Variants in VEPH1 observed in about 807,000 individuals in gnomAD.
VEPH1 encodes ventricular zone-expressed PH domain-containing protein homolog 1.
VEPH1 carries 80 observed loss-of-function variants against 85.2 expected under a neutral mutation model. That is an observed-to-expected ratio of 0.94 (90% CI 0.78 to 1.13). The LOEUF (loss-of-function observed/expected upper bound fraction) is 1.13. Ranked by LOEUF, VEPH1 falls within the 50% of genes most tolerant of loss-of-function variation. VEPH1 has a pLI of 0.00. For missense variants in VEPH1, 955 were observed against 980.5 expected, an observed-to-expected ratio of 0.97 and a Z score of 0.35; for synonymous variants, 297 against 348.0, an observed-to-expected ratio of 0.85 and a Z score of 1.63.
chr3:157,470,192 T>C (rs569818747), intron 3 of VEPH1, 122 bp downstream of exon 3: 29 of 864,902 alleles, frequency 3.4e-5, no homozygotes, highest in Admixed American at 7.1e-5. Context: ...ATTGATGGCT[T>C]GTAGTGTCTT....
At chr3:157,287,771 G>A (rs888899310) in intron 11 of VEPH1, among the ~76,000 whole-genome samples, 1 of 152,048 alleles carries the variant, frequency 6.6e-6, no homozygotes, top group African/African-American at 2.4e-5. Context: ...TGCCGTGTTG[G>A]CCAGGCTGGT....
chr3:157,321,687 G>T (rs7631257), intron 9 of VEPH1, among the ~76,000 whole-genome samples: 33,878 of 152,046 alleles, frequency 0.22, 4,609 homozygotes, highest in Admixed American at 0.41. Flanking sequence ...GATTCGGACA[G>T]AGTTTTATGG....
Position 157,403,653 on chromosome 3 carries a change from T to C in VEPH1, c.906+10228A>G, listed in dbSNP as rs73873677. Among the ~76,000 whole-genome samples, 380 of 152,256 alleles carry C rather than the reference T, an allele frequency of 2.5e-3. 1 individual carries two copies. The highest frequency in any genetic ancestry group is 8.6e-3 in the African/African-American group (356 of 41,526). On this transcript the variant is annotated intron_variant, in intron 6 of 13. Transcript: ENST00000362010. Reference sequence around the variant, plus strand: ...AGGTGTGTGATAAATATTCATAAACTGTATTGTAGGTAATGCATGATATTT... The same window carrying C: ...AGGTGTGTGATAAATATTCATAAACCGTATTGTAGGTAATGCATGATATTT...
At chr3:157,274,935 C>G (rs1303886551) in intron 12 of VEPH1, among the ~76,000 whole-genome samples, 1 of 152,188 alleles carries the variant, frequency 6.6e-6, no homozygotes, top group African/African-American at 2.4e-5. Context: ...ATAGATTGAG[C>G]TGCTTTGGGA....
rs966961653 is a variant in VEPH1, at chr3:157,314,630, A to T, written c.1876-875T>A. On this transcript the variant is annotated intron_variant, in intron 10 of 13. Coordinates refer to ENST00000362010, the MANE Select transcript of VEPH1 (RefSeq NM_001167912.2). The stretch of plus-strand genomic sequence containing the variant: ...TAGAGTACAAAAATCAAGTCTATTT[A>T]TACAGAGTAGATCATTAAGAATAGA... Among the ~76,000 whole-genome samples, 10 of 152,238 alleles carry T rather than the reference A, an allele frequency of 6.6e-5. 1 individual carries two copies. In the South Asian group the frequency reaches 1.5e-3, roughly 22 times the overall value.
At chr3:157,419,155 C>A (rs1732142504) in intron 5 of VEPH1, among the ~76,000 whole-genome samples, 2 of 152,140 alleles carry the variant, frequency 1.3e-5, no homozygotes, top group African/African-American at 4.8e-5. Context: ...AGGATCCCTT[C>A]CTTACGCCTC....
intron 7 of VEPH1, among the ~76,000 whole-genome samples, chr3:157,366,248 T>C (rs1044124551): frequency 6.6e-6 from 1 of 152,198 alleles, no homozygotes; most frequent in Admixed American, 6.5e-5. Context: ...ATGATTTTGT[T>C]GGTTTGTCTG....
intron 7 of VEPH1, among the ~76,000 whole-genome samples, chr3:157,372,306 C>A (rs142923108): frequency 3.4e-4 from 52 of 152,248 alleles, no homozygotes; most frequent in Non-Finnish European, 6.5e-4. Flanking sequence ...TATACTTAAT[C>A]AAAAACACAT....
chr3:157,470,495 A>G lies in VEPH1; in HGVS notation c.173T>C (p.Val58Ala), dbSNP rs1447132648. 3 of 1,614,058 alleles carry G rather than the reference A, an allele frequency of 1.9e-6. No homozygotes were observed. Among genetic ancestry groups the G allele is most frequent in the African/African-American group, 1.3e-5 (1 of 74,912 alleles). ...TGTGATTCTTGTGATACAGATTTCA[A>G]CTACTGCCTGGTCATTGTTATTGGT... ...YQTNNNDQAV[V>A]EICITRITTA... The change falls in exon 3 of 14, where the codon GTT becomes GCT. Residue 58 changes from valine to alanine, a missense_variant. Physicochemically the swap from Val to Ala is moderately conservative, Grantham distance 64 (BLOSUM62 0). Transcript: ENST00000362010.
At chr3:157,433,672 G>C (rs9868133) in intron 4 of VEPH1, among the ~76,000 whole-genome samples, 87,995 of 152,066 alleles carry the variant, frequency 0.58, 25,909 homozygotes, top group East Asian at 0.67. Context: ...CTTAATGAGA[G>C]AGATTGCAGT....
chr3:157,369,187 A>AAAAAAACAAAAAACAAACAAAC lies in VEPH1; in HGVS notation c.1128-4676_1128-4675insGTTTGTTTGTTTTTTGTTTTTT, dbSNP rs1560001114. On this transcript the variant is annotated intron_variant, in intron 7 of 13. Coordinates refer to ENST00000362010, the MANE Select transcript of VEPH1 (RefSeq NM_001167912.2). The stretch of plus-strand genomic sequence containing the variant: ...CAACAACAAAAACCAAATGAAAAAA[A>AAAAAAACAAAAAACAAACAAAC]AAAAAAAAAAAAAAAAACCTCCTGA... 7.7e-5 allele frequency among the ~76,000 whole-genome samples: 11 copies of AAAAAAACAAAAAACAAACAAAC among 142,070 alleles called. 1 individual carries two copies. Among genetic ancestry groups the AAAAAAACAAAAAACAAACAAAC allele is most frequent in the African/African-American group, 2.9e-4 (11 of 37,864 alleles). 93.2% of individuals were successfully genotyped at this position (142,070 alleles called of 152,430 possible).
intron 13 of VEPH1, among the ~76,000 whole-genome samples, chr3:157,262,809 G>A (rs764421647): frequency 1.3e-5 from 2 of 152,082 alleles, no homozygotes; most frequent in African/African-American, 4.8e-5. Context: ...TTCTTTTAGG[G>A]TACACAGGAT....
At position 157,404,407 on chromosome 3, in the gene VEPH1, C is replaced by A. The variant is rs890244259; in HGVS notation, c.906+9474G>T. Among the ~76,000 whole-genome samples, 13 of 152,256 alleles carry A rather than the reference C, an allele frequency of 8.5e-5. 1 individual carries two copies. The highest frequency in any genetic ancestry group is 3.1e-4 in the African/African-American group (13 of 41,548). On this transcript the variant is annotated intron_variant, in intron 6 of 13. Coordinates refer to ENST00000362010, the MANE Select transcript of VEPH1 (RefSeq NM_001167912.2). The stretch of plus-strand genomic sequence containing the variant: ...TTATAGATGTATGTTCTCAAATATT[C>A]ACAGCAGGGCAGATTGCAATGGCTT...
Position 157,272,939 on chromosome 3 carries a change from G to A in VEPH1, c.2129-7277C>T, listed in dbSNP as rs146480518. ...TCTGCTTTTGACTAGACCAAAGTAC[G>A]CCTACAACTTGCCAATTTGCAGGTA... On this transcript the variant is annotated intron_variant, in intron 12 of 13. Transcript: ENST00000362010. Among the ~76,000 whole-genome samples, 1,036 of 152,262 alleles carry A rather than the reference G, an allele frequency of 6.8e-3. 17 individuals carry two copies. Among genetic ancestry groups the A allele is most frequent in the African/African-American group, 0.023 (974 of 41,544 alleles).
At chr3:157,459,806 A>C (rs772114013) in intron 4 of VEPH1, 54 of 1,487,988 alleles carry the variant, frequency 3.6e-5, no homozygotes, top group South Asian at 3.5e-4. Flanking sequence ...TTTTGGAAGC[A>C]AATGAAGACA....
chr3:157,306,429 C>G (rs1305368328), intron 11 of VEPH1, among the ~76,000 whole-genome samples: 1 of 152,010 alleles, frequency 6.6e-6, no homozygotes. Flanking sequence ...AGTTTTGCAA[C>G]TTGCTTATTA....
At chr3:157,293,882 TA>T (rs1717818069) in intron 11 of VEPH1, among the ~76,000 whole-genome samples, 1 of 152,238 alleles carries the variant, frequency 6.6e-6, no homozygotes, top group Non-Finnish European at 1.5e-5. Context: ...GCCAAAACAC[TA>T]CCAATGTTCA....
intron 12 of VEPH1, among the ~76,000 whole-genome samples, chr3:157,282,338 T>C (rs1716237372): frequency 6.6e-6 from 1 of 152,242 alleles, no homozygotes; most frequent in African/African-American, 2.4e-5. Flanking sequence ...CCTGAGTAGC[T>C]GGGACTACAG....
chr3:157,409,347 C>A (rs1174758129), intron 6 of VEPH1, among the ~76,000 whole-genome samples: 1 of 152,066 alleles, frequency 6.6e-6, no homozygotes, highest in Non-Finnish European at 1.5e-5. Flanking sequence ...AGAAATGGAG[C>A]AAATCCTGGC....
Sources: gnomAD v4.1 joint callset for allele counts (sites outside exome capture counted in the v4.1 genomes callset) on GRCh38, gnomAD v4.1.1 for gene constraint, MANE v1.5 for transcripts, NCBI Gene and HGNC (gene_info 2026-07-23, HGNC 2026-07-21) for gene names.